The following CHD2 variants were observed in gnomAD, a reference collection of about 807,000 sequenced individuals.
CHD2 encodes the protein chromodomain helicase DNA binding protein 2.
In CHD2, 28 loss-of-function variants were observed where a neutral mutation model predicts 243.9. The ratio of observed to expected loss-of-function variants is 0.11; its 90% CI spans 0.09 to 0.16. The LOEUF is 0.16. CHD2 is among the 10% of genes least tolerant of loss of function. CHD2 has a pLI of 1.00. For synonymous variants in CHD2, 775 were observed against 779.0 expected, an observed-to-expected ratio of 0.99 and a Z score of 0.09; for missense variants, 1,386 against 2,209.8, an observed-to-expected ratio of 0.63 and a Z score of 7.47.
intron 18 of CHD2, 109 bp from the exon 19 acceptor site, chr15:92,972,156 G>C (rs2053849882): frequency 6.4e-6 from 8 of 1,253,204 alleles, no homozygotes; most frequent in Non-Finnish European, 8.9e-6. Context: ...AGGTTGCTAA[G>C]GGCTTCAGAA....
chr15:92,996,905 G>C, intron 28 of CHD2, 52 bp from the exon 29 acceptor site: 1 of 1,566,136 alleles, frequency 6.4e-7, no homozygotes, highest in Non-Finnish European at 8.6e-7. Context: ...CATGTTTTCT[G>C]TGGAACTTCT....
At chr15:93,006,124 C>CTTT (rs55820002) in intron 34 of CHD2, among the ~76,000 whole-genome samples, 218 of 125,266 alleles carry the variant, frequency 1.7e-3, no homozygotes, top group Non-Finnish European at 2.1e-3. Flanking sequence ...CTCTCTCTCT[C>CTTT]TTTTTTTTTT....
chr15:93,014,951 T>A lies in CHD2; in HGVS notation c.4906+42T>A, dbSNP rs896910659. The A allele has an allele frequency of 8.5e-6, 13 of 1,535,992 alleles. No homozygotes were observed. In the Admixed American group the frequency reaches 1.2e-4, roughly 14 times the overall value. On this transcript the variant is annotated intron_variant, in intron 37 of 38. Coordinates refer to ENST00000394196, the MANE Select transcript of CHD2 (RefSeq NM_001271.4). ...AGTTTTTAAAAGAGGTGCCAAAAGA[T>A]AAAAAATTCACACAGCCGTTTCATT... is the stretch of plus-strand genomic sequence containing the variant.
At chr15:92,925,504 A>G (rs2053042334) in intron 3 of CHD2, among the ~76,000 whole-genome samples, 1 of 152,216 alleles carries the variant, frequency 6.6e-6, no homozygotes, top group African/African-American at 2.4e-5. Context: ...TGAAGTGATA[A>G]AACTAGTTGA....
chr15:93,001,300 A>ACCC (rs1262671284), intron 32 of CHD2, among the ~76,000 whole-genome samples: 35 of 152,188 alleles, frequency 2.3e-4, no homozygotes, highest in Non-Finnish European at 4.7e-4. Flanking sequence ...GAGTTCTGTT[A>ACCC]ACAAAACTCC....
chr15:92,936,691 T>C (rs749647510), intron 5 of CHD2, among the ~76,000 whole-genome samples: 1 of 152,306 alleles, frequency 6.6e-6, no homozygotes, highest in Non-Finnish European at 1.5e-5. Context: ...TTTCCTTAAA[T>C]GTATTCTAGA....
chr15:92,965,376 G>A (rs2053744127), intron 16 of CHD2: 1 of 152,006 alleles, frequency 6.6e-6, no homozygotes, highest in Non-Finnish European at 1.5e-5. Flanking sequence ...CTAACACGGT[G>A]AAACCCTGTC....
rs1233304378 is a variant in CHD2 at position 93,026,442 on chromosome 15, CTG to C, written c.*1742_*1743del. 1.3e-5 allele frequency: 2 copies of C among 152,288 alleles called. No individual in the cohort carries two copies. Among genetic ancestry groups the C allele is most frequent in the Non-Finnish European group, 2.9e-5 (2 of 68,092 alleles). The allele number at this position is 152,288 out of a possible 1,614,324, so 9.4% of individuals were successfully genotyped here. ...CTACACAGAGCATCGCAGGGCTGGC[CTG>C]TGTGGTTTCCAGATGAGGGTCTGGG... On this transcript the variant is annotated 3_prime_UTR_variant, in exon 39 of 39. Coordinates refer to ENST00000394196, the MANE Select transcript of CHD2 (RefSeq NM_001271.4).
chr15:92,956,158 GT>G (rs1271823403), intron 15 of CHD2, among the ~76,000 whole-genome samples: 2 of 152,006 alleles, frequency 1.3e-5, no homozygotes, highest in African/African-American at 2.4e-5. Context: ...GAATCATATG[GT>G]TTTTTTGTTT....
intron 28 of CHD2, among the ~76,000 whole-genome samples, chr15:92,995,104 C>T (rs903777631): frequency 1.3e-5 from 2 of 152,128 alleles, no homozygotes; most frequent in African/African-American, 2.4e-5. Context: ...TGCTGAAATG[C>T]GAAGTGTGAT....
Position 92,961,876 on chromosome 15 carries a change from C to CATTT in CHD2, c.2000+5227_2000+5228insATTT, listed in dbSNP as rs768968212. Among the ~76,000 whole-genome samples, 5 of 78,642 alleles carry CATTT rather than the reference C, an allele frequency of 6.4e-5. No individual in the cohort carries two copies. In the East Asian group the frequency reaches 2.3e-3, roughly 36 times the overall value. The allele number at this position is 78,642 out of a possible 152,430, so 51.6% of individuals were successfully genotyped here. On this transcript the variant is annotated intron_variant, in intron 16 of 38. Coordinates refer to ENST00000394196, the MANE Select transcript of CHD2 (RefSeq NM_001271.4). ...GGTTTCTTCCTCTGTTTTTTCTTCT[C>CATTT]TTTTTTTTTTTTTTTTTTTTTTTGA...
At chr15:92,933,513 TA>T (rs1011477207) in intron 5 of CHD2, among the ~76,000 whole-genome samples, 1 of 152,238 alleles carries the variant, frequency 6.6e-6, no homozygotes, top group African/African-American at 2.4e-5. Flanking sequence ...CTGTTTTGAT[TA>T]AACTCTTTTT....
At chr15:92,954,204 A>G (rs1428332360) in intron 14 of CHD2, 2 of 152,360 alleles carry the variant, frequency 1.3e-5, no homozygotes, top group African/African-American at 4.8e-5. Context: ...TTTACGTATA[A>G]TACCTGTAAT....
At chr15:92,945,543 C>T (rs1449461659) in intron 10 of CHD2, 2 of 179,806 alleles carry the variant, frequency 1.1e-5, no homozygotes, top group South Asian at 1.4e-4. Context: ...AGGCACCCCC[C>T]ACCCCCACCA....
intron 28 of CHD2, chr15:92,993,273 TAA>T (rs1289948668): frequency 3.0e-6 from 1 of 336,772 alleles, no homozygotes; most frequent in Admixed American, 4.2e-5. Flanking sequence ...CGGAGTGATG[TAA>T]AAACCCAGGG....
At chr15:92,964,519 T>A (rs1444465206) in intron 16 of CHD2, among the ~76,000 whole-genome samples, 1 of 152,218 alleles carries the variant, frequency 6.6e-6, no homozygotes, top group African/African-American at 2.4e-5. Context: ...TTTAGTCAAA[T>A]AGCTTTGGAA....
chr15:92,942,812 T>G (rs960792567), intron 8 of CHD2, 31 bp from the exon 9 acceptor site: 7 of 1,537,970 alleles, frequency 4.6e-6, no homozygotes, highest in Non-Finnish European at 6.2e-6. Flanking sequence ...TGTAATATAC[T>G]CTCTTTCAAG....
intron 24 of CHD2, among the ~76,000 whole-genome samples, chr15:92,982,987 G>A (rs565531139): frequency 4.6e-5 from 7 of 152,266 alleles, no homozygotes; most frequent in African/African-American, 1.4e-4. Context: ...TGCCAACATG[G>A]TCAGGTTCTG....
chr15:92,980,911 G>C lies in CHD2; in HGVS notation c.2973G>C (p.Gln991His). Reference sequence around the variant, plus strand: ...TGGAAGGGGAGGAATCAGAACCTCAGGTAATTAACAATGAGGAGAGGGAAA... The same window carrying C: ...TGGAAGGGGAGGAATCAGAACCTCACGTAATTAACAATGAGGAGAGGGAAA... ...KELEGEESEP[Q>H]EMDIDEILRL... The change falls in exon 23 of 39, where the codon CAG becomes CAC. Residue 991 changes from glutamine to histidine, a missense_variant and splice_region_variant. By Grantham distance (24) the Gln-to-His change is conservative (BLOSUM62 0). Coordinates refer to ENST00000394196, the MANE Select transcript of CHD2 (RefSeq NM_001271.4). The C allele has an allele frequency of 1.2e-6, 2 of 1,608,108 alleles. No homozygotes were observed. The highest frequency in any genetic ancestry group is 1.7e-6 in the Non-Finnish European group (2 of 1,174,988).
Sources: allele counts gnomAD v4.1 joint callset (sites outside exome capture counted in the v4.1 genomes callset), GRCh38; gene constraint gnomAD v4.1.1; transcripts MANE v1.5; gene names NCBI Gene and HGNC (gene_info 2026-07-23, HGNC 2026-07-21).